CDH12: variants seen among roughly 807,000 people sequenced by gnomAD.
CDH12 encodes cadherin-12.
Under a neutral mutation model 74.1 loss-of-function variants are expected in CDH12, and 41 were observed. The observed-to-expected ratio is 0.55, with a 90% CI of 0.43 to 0.72. The LOEUF is 0.72. CDH12 is among the 30% of genes least tolerant of loss of function. The probability of loss-of-function intolerance (pLI) is 0.00; values close to 1 mark genes in which losing one functional copy is unlikely to be tolerated. For synonymous variants in CDH12, 399 were observed against 355.0 expected (o/e 1.12, Z -1.39); for missense variants, 945 against 977.2 (o/e 0.97, Z 0.44).
chr5:22,469,638 GA>G (rs1282837018), intron 2 of CDH12, among the ~76,000 whole-genome samples: 2 of 152,068 alleles, frequency 1.3e-5, no homozygotes, highest in African/African-American at 4.8e-5. Flanking sequence ...ATAAATGAGG[GA>G]AGGTTTACTT....
chr5:22,129,990 T>C (rs1156259350), intron 4 of CDH12, among the ~76,000 whole-genome samples: 2 of 152,002 alleles, frequency 1.3e-5, no homozygotes, highest in Non-Finnish European at 2.9e-5. Flanking sequence ...AAGAATATGA[T>C]GAAGTTTAAA....
At chr5:22,070,528 A>G (rs1020111617) in intron 5 of CDH12, among the ~76,000 whole-genome samples, 5 of 152,172 alleles carry the variant, frequency 3.3e-5, no homozygotes, top group South Asian at 2.1e-4. Flanking sequence ...GAAGATCTTA[A>G]CAAAACAAAG....
chr5:22,231,026 T>C (rs946137502), intron 3 of CDH12, among the ~76,000 whole-genome samples: 2 of 152,140 alleles, frequency 1.3e-5, no homozygotes, highest in Admixed American at 6.5e-5. Context: ...GCACAGAATA[T>C]GGAGAAATAG....
At chr5:21,969,809 T>C (rs988567162) in intron 6 of CDH12, among the ~76,000 whole-genome samples, 2 of 152,222 alleles carry the variant, frequency 1.3e-5, no homozygotes, top group South Asian at 2.1e-4. Context: ...TCATCAGTAA[T>C]GAGACAAATC....
chr5:22,733,288 G>A (rs184611178), intron 1 of CDH12, among the ~76,000 whole-genome samples: 3,698 of 151,918 alleles, frequency 0.024, 69 homozygotes, highest in Middle Eastern at 0.041. Flanking sequence ...AAAATAAAAT[G>A]TGGTATGACT....
intron 3 of CDH12, among the ~76,000 whole-genome samples, chr5:22,328,654 G>T (rs2150443544): frequency 6.6e-6 from 1 of 152,194 alleles, no homozygotes; most frequent in East Asian, 1.9e-4. Context: ...AACAGGATTT[G>T]GTGTCTCTAA....
At chr5:22,050,563 C>T (rs958940295) in intron 5 of CDH12, among the ~76,000 whole-genome samples, 1 of 152,102 alleles carries the variant, frequency 6.6e-6, no homozygotes, top group Non-Finnish European at 1.5e-5. Flanking sequence ...AAGTTAGATA[C>T]TTCTAAACAA....
In CDH12 at chr5:22,035,226, G is replaced by A. The variant is rs536199134; in HGVS notation, c.231+43220C>T. ...TTCTGGAAAATTGGAATGATTTGGA[G>A]TTGTGGTGTGTTCTTCTTTGGCACA... On this transcript the variant is annotated intron_variant, in intron 5 of 14. Coordinates refer to ENST00000382254, the MANE Select transcript of CDH12 (RefSeq NM_004061.5). Among the ~76,000 whole-genome samples the A allele has an allele frequency of 2.6e-5, 4 of 152,252 alleles. No individual in the cohort carries two copies. The South Asian group carries it at 8.3e-4, about 32-fold the overall frequency.
At chr5:21,911,885 T>A (rs1043548991) in intron 6 of CDH12, among the ~76,000 whole-genome samples, 26 of 152,144 alleles carry the variant, frequency 1.7e-4, no homozygotes, top group Admixed American at 1.6e-3. Flanking sequence ...TTTATAACAT[T>A]TGTGATTGTA....
intron 1 of CDH12, among the ~76,000 whole-genome samples, chr5:22,739,268 A>G (rs899201489): frequency 7.9e-5 from 12 of 152,012 alleles, no homozygotes; most frequent in African/African-American, 2.9e-4. Context: ...CTAATTTTGT[A>G]TATAGTGAAA....
intron 3 of CDH12, among the ~76,000 whole-genome samples, chr5:22,240,367 A>G (rs1415507356): frequency 6.6e-6 from 1 of 152,178 alleles, no homozygotes; most frequent in Non-Finnish European, 1.5e-5. Flanking sequence ...TATGAGTACA[A>G]ATGAAATACT....
At chr5:21,882,458 G>T (rs1001572847) in intron 6 of CDH12, 1 of 650,552 alleles carries the variant, frequency 1.5e-6, no homozygotes, top group Admixed American at 2.5e-5. Context: ...GCAGATGTCT[G>T]TATGTTCCAT....
At chr5:22,642,245 A>G (rs1232444363) in intron 1 of CDH12, among the ~76,000 whole-genome samples, 1 of 152,216 alleles carries the variant, frequency 6.6e-6, no homozygotes, top group Non-Finnish European at 1.5e-5. Context: ...GGGTAGCAAG[A>G]TTAGCTGTCT....
At chr5:22,102,503 T>C (rs1744192876) in intron 4 of CDH12, among the ~76,000 whole-genome samples, 1 of 152,042 alleles carries the variant, frequency 6.6e-6, no homozygotes, top group Non-Finnish European at 1.5e-5. Flanking sequence ...GCCCCGTCTC[T>C]ACTAAAAATA....
chr5:22,369,307 A>AT (rs1353522955), intron 3 of CDH12, among the ~76,000 whole-genome samples: 1 of 152,150 alleles, frequency 6.6e-6, no homozygotes, highest in African/African-American at 2.4e-5. Context: ...AAATATTAAA[A>AT]TTTTTTAATA....
Position 22,357,670 on chromosome 5 carries a change from T to G in CDH12, c.-333+47587A>C, listed in dbSNP as rs546487757. Among the ~76,000 whole-genome samples, 4 of 152,274 alleles carry G rather than the reference T, an allele frequency of 2.6e-5. No individual in the cohort carries two copies. In the South Asian group the frequency reaches 6.2e-4, roughly 24 times the overall value. ...TCTATTCCCAAGGGGGATATATAAG[T>G]CAGTGAGTAGTTAATATGCTTAAGT... On this transcript the variant is annotated intron_variant, in intron 3 of 14. Transcript: ENST00000382254.
At chr5:22,674,292 A>G (rs1174036801) in intron 1 of CDH12, among the ~76,000 whole-genome samples, 1 of 152,128 alleles carries the variant, frequency 6.6e-6, no homozygotes, top group Non-Finnish European at 1.5e-5. Context: ...ATTATAGTGA[A>G]TAAGTCTTGG....
intron 9 of CDH12, among the ~76,000 whole-genome samples, chr5:21,816,001 A>C (rs1173121450): frequency 1.3e-5 from 2 of 152,216 alleles, no homozygotes; most frequent in African/African-American, 2.4e-5. Flanking sequence ...TAATAGTTGA[A>C]TCACAGAATA....
rs148131498 is a variant in CDH12, at chr5:22,393,587, G to A, written c.-333+11670C>T. On this transcript the variant is annotated intron_variant, in intron 3 of 14. Transcript: ENST00000382254. ...AAATGTGGCTTTGAAATTTGGTAAC[G>A]GTTAAAGACTGGAAGAATTTGGAGA... Among the ~76,000 whole-genome samples the A allele has an allele frequency of 1.3e-3, 192 of 151,430 alleles. 1 individual carries two copies. Among genetic ancestry groups the A allele is most frequent in the Middle Eastern group, 3.4e-3 (1 of 292 alleles).
Sources: gnomAD v4.1 joint callset for allele counts (sites outside exome capture counted in the v4.1 genomes callset) on GRCh38, gnomAD v4.1.1 for gene constraint, MANE v1.5 for transcripts, NCBI Gene and HGNC (gene_info 2026-07-23, HGNC 2026-07-21) for gene names.